PTPRD: variants seen among roughly 807,000 people sequenced by gnomAD.
PTPRD encodes protein tyrosine phosphatase receptor type D, also known as receptor-type tyrosine-protein phosphatase delta.
In PTPRD, 34 loss-of-function variants were observed where a neutral mutation model predicts 214.5. The ratio of observed to expected loss-of-function variants is 0.16; its 90% CI spans 0.12 to 0.21. The LOEUF (loss-of-function observed/expected upper bound fraction) is 0.21, where lower values mean the gene tolerates loss of function less well. PTPRD is among the 10% of genes least tolerant of loss of function. The probability of loss-of-function intolerance (pLI) is 1.00; values close to 1 mark genes in which losing one functional copy is unlikely to be tolerated. For synonymous variants in PTPRD, 1,128 were observed against 845.7 expected (o/e 1.33, Z -5.79); for missense variants, 2,545 against 2,398.7 (o/e 1.06, Z -1.27).
intron 8 of PTPRD, among the ~76,000 whole-genome samples, chr9:9,512,508 T>C (rs959020064): frequency 1.6e-4 from 24 of 152,018 alleles, no homozygotes. Flanking sequence ...ACAGAGAATA[T>C]GTAAGGCATT....
intron 24 of PTPRD, 127 bp downstream of exon 24, chr9:8,500,627 T>C (rs1338551708): frequency 4.0e-6 from 1 of 251,526 alleles, no homozygotes; most frequent in African/African-American, 7.4e-5. Flanking sequence ...TTGGCAAAAA[T>C]ACTAAAGTAA....
At chr9:8,756,205 A>G (rs887772876) in intron 11 of PTPRD, among the ~76,000 whole-genome samples, 2 of 152,134 alleles carry the variant, frequency 1.3e-5, no homozygotes, top group African/African-American at 4.8e-5. Flanking sequence ...GCCTTGGCCA[A>G]ATCACTCCCC....
intron 9 of PTPRD, among the ~76,000 whole-genome samples, chr9:9,371,779 T>G (rs935231496): frequency 2.0e-5 from 3 of 152,284 alleles, no homozygotes; most frequent in African/African-American, 7.2e-5. Context: ...TACACACTGC[T>G]TTGAATGTGT....
intron 14 of PTPRD, among the ~76,000 whole-genome samples, chr9:8,556,019 A>T (rs1011498420): frequency 1.3e-5 from 2 of 152,156 alleles, no homozygotes; most frequent in Non-Finnish European, 2.9e-5. Flanking sequence ...GTCTTGGCGG[A>T]TCTGGAAAGA....
At chr9:9,209,475 G>C (rs1304629263) in intron 9 of PTPRD, among the ~76,000 whole-genome samples, 1 of 152,162 alleles carries the variant, frequency 6.6e-6, no homozygotes, top group Non-Finnish European at 1.5e-5. Context: ...CAGTATTTTG[G>C]TGCATTAAAG....
intron 9 of PTPRD, among the ~76,000 whole-genome samples, chr9:9,275,428 G>A (rs1945224744): frequency 6.7e-6 from 1 of 150,218 alleles, no homozygotes; most frequent in African/African-American, 2.4e-5. Context: ...CAGAGGGGCT[G>A]TGAGATTGAA....
intron 11 of PTPRD, among the ~76,000 whole-genome samples, chr9:8,775,887 A>T (rs2381898): frequency 0.71 from 107,647 of 151,408 alleles, 38,305 homozygotes; most frequent in Middle Eastern, 0.81. Flanking sequence ...AAGAATAGTA[A>T]CAATGATATA....
At chr9:9,353,885 G>A (rs1307162043) in intron 9 of PTPRD, among the ~76,000 whole-genome samples, 1 of 151,772 alleles carries the variant, frequency 6.6e-6, no homozygotes, top group Non-Finnish European at 1.5e-5. Context: ...CAAGGTGTTG[G>A]CTGGGCTGTG....
intron 12 of PTPRD, among the ~76,000 whole-genome samples, chr9:8,714,188 TTG>T (rs2098404159): frequency 6.6e-6 from 1 of 152,236 alleles, no homozygotes; most frequent in African/African-American, 2.4e-5. Flanking sequence ...GAGAAAATTT[TTG>T]TGTCTCAGTT....
intron 14 of PTPRD, among the ~76,000 whole-genome samples, chr9:8,538,694 T>A (rs2077569883): frequency 6.6e-6 from 1 of 151,546 alleles, no homozygotes; most frequent in African/African-American, 2.4e-5. Context: ...TATATATGAC[T>A]TGTAAATGAG....
chr9:9,481,725 G>A (rs1414867614), intron 8 of PTPRD, among the ~76,000 whole-genome samples: 3 of 151,934 alleles, frequency 2.0e-5, no homozygotes, highest in Non-Finnish European at 2.9e-5. Flanking sequence ...CAGTGCTGGC[G>A]TTCAGTTCTA....
chr9:8,439,101 G>A (rs566666213), intron 34 of PTPRD, among the ~76,000 whole-genome samples: 4 of 152,160 alleles, frequency 2.6e-5, no homozygotes, highest in African/African-American at 9.6e-5. Flanking sequence ...ATACCATATT[G>A]CACTCCATTT....
chr9:8,692,209 G>A lies in PTPRD; in HGVS notation c.64+41571C>T, dbSNP rs139934269. 1.2e-4 allele frequency among the ~76,000 whole-genome samples: 18 copies of A among 152,312 alleles called. No individual in the cohort carries two copies. The East Asian group carries it at 3.3e-3, about 28-fold the overall frequency. ...AGAGCCAGCAGGTGGATTAGAGAAG[G>A]CTGACTGCTGTTATAAACAGTCTAC... On this transcript the variant is annotated intron_variant, in intron 12 of 45. Coordinates refer to ENST00000381196, the MANE Select transcript of PTPRD (RefSeq NM_002839.4).
chr9:9,109,409 C>T lies in PTPRD; in HGVS notation c.-143+73895G>A, dbSNP rs2099802991. Among the ~76,000 whole-genome samples, 3 of 152,182 alleles carry T rather than the reference C, an allele frequency of 2.0e-5. No individual in the cohort carries two copies. The South Asian group carries it at 6.2e-4, about 32-fold the overall frequency. On this transcript the variant is annotated intron_variant, in intron 10 of 45. Coordinates refer to ENST00000381196, the MANE Select transcript of PTPRD (RefSeq NM_002839.4). Reference sequence around the variant, plus strand: ...AATTTCTCTCACTGTTGCCTATGAACTGTTTGATCTTGAATAAGTTCATTG... The same window carrying T: ...AATTTCTCTCACTGTTGCCTATGAATTGTTTGATCTTGAATAAGTTCATTG...
chr9:9,813,271 A>G (rs1187573070), intron 5 of PTPRD, among the ~76,000 whole-genome samples: 2 of 152,076 alleles, frequency 1.3e-5, no homozygotes, highest in African/African-American at 4.8e-5. Context: ...TAAACCCAGA[A>G]TTAGCAGAAA....
At chr9:9,897,358 C>A (rs1043406375) in intron 5 of PTPRD, among the ~76,000 whole-genome samples, 1 of 152,002 alleles carries the variant, frequency 6.6e-6, no homozygotes, top group Non-Finnish European at 1.5e-5. Flanking sequence ...AACCTACACA[C>A]TTCCACCAAG....
chr9:10,181,142 T>C (rs1026911287), intron 3 of PTPRD, among the ~76,000 whole-genome samples: 1 of 152,112 alleles, frequency 6.6e-6, no homozygotes, highest in Admixed American at 6.5e-5. Flanking sequence ...TGAATGATTA[T>C]GATTTTTATA....
At chr9:9,740,260 T>C (rs1438183686) in intron 6 of PTPRD, among the ~76,000 whole-genome samples, 1 of 152,204 alleles carries the variant, frequency 6.6e-6, no homozygotes, top group Non-Finnish European at 1.5e-5. Context: ...TTTTCCTTGT[T>C]ATGCATATTA....
At chr9:8,644,965 T>C (rs1204010211) in intron 12 of PTPRD, among the ~76,000 whole-genome samples, 1 of 152,254 alleles carries the variant, frequency 6.6e-6, no homozygotes, top group Non-Finnish European at 1.5e-5. Flanking sequence ...CAGAGGTTTC[T>C]GGCCAGGAAA....
Sources: allele counts gnomAD v4.1 joint callset (sites outside exome capture counted in the v4.1 genomes callset), GRCh38; gene constraint gnomAD v4.1.1; transcripts MANE v1.5; gene names NCBI Gene and HGNC (gene_info 2026-07-23, HGNC 2026-07-21).